USH2A: variants seen among roughly 807,000 people sequenced by gnomAD.
USH2A encodes Usher syndrome 2A (autosomal recessive, mild).
USH2A carries 443 observed loss-of-function variants against 538.9 expected under a neutral mutation model. That is an observed-to-expected ratio of 0.82 (90% confidence interval 0.76 to 0.89). USH2A has a LOEUF of 0.89. Ranked by LOEUF, USH2A falls within the 40% of genes least tolerant of loss-of-function variation. The pLI, the probability that USH2A is intolerant of heterozygous loss-of-function variation, is 0.00. For missense variants in USH2A, 6,633 were observed against 6,324.8 expected (o/e 1.05, Z -1.65); for synonymous variants, 2,413 against 2,273.5 (o/e 1.06, Z -1.75).
At position 216,200,111 on chromosome 1, in the gene USH2A, G is replaced by A. The variant is rs758705873; in HGVS notation, c.3327C>T (p.Tyr1109=). Residue 1109 remains tyrosine, a synonymous_variant, in exon 17 of 72, where the codon TAC becomes TAT. Transcript: ENST00000307340. ...ATGGTAACAGGTCTGTGTCTAAGAA[G>A]TATTGAATACCTGAAATGAAAAGAA... is the stretch of plus-strand genomic sequence containing the variant. ...TEDQYPYSIQ[Y]FLDTDLLPYT... 3.7e-6 allele frequency: 6 copies of A among 1,605,186 alleles called. No individual in the cohort carries two copies. In the East Asian group the frequency reaches 1.3e-4, roughly 36 times the overall value.
chr1:215,625,655 T>C lies in USH2A; in HGVS notation c.*126A>G. The stretch of plus-strand genomic sequence containing the variant: ...GGAACACTTTCAAAAACAGTCATCA[T>C]TTCTTTAAAGAATTATAGGATAATA... On this transcript the variant is annotated 3_prime_UTR_variant, in exon 72 of 72. Coordinates refer to ENST00000307340, the MANE Select transcript of USH2A (RefSeq NM_206933.4). The C allele has an allele frequency of 1.1e-6, 1 of 885,668 alleles. No homozygotes were observed. The highest frequency in any genetic ancestry group is 1.9e-6 in the Non-Finnish European group (1 of 538,416). The allele number at this position is 885,668 out of a possible 1,614,324, so 54.9% of individuals were successfully genotyped here. A position where few individuals can be genotyped will look rare whatever the true frequency, so the allele number is the denominator to read the frequency against.
intron 38 of USH2A, among the ~76,000 whole-genome samples, chr1:215,904,356 T>C (rs904907413): frequency 6.6e-6 from 1 of 152,094 alleles, no homozygotes; most frequent in Non-Finnish European, 1.5e-5. Context: ...CAAAACAATA[T>C]GCTCCACTAA....
intron 9 of USH2A, among the ~76,000 whole-genome samples, chr1:216,309,427 C>T (rs2037380278): frequency 6.6e-6 from 1 of 152,106 alleles, no homozygotes; most frequent in Non-Finnish European, 1.5e-5. Flanking sequence ...TTCAGCCAGA[C>T]AGTCTCATAA....
chr1:215,800,498 T>A (rs1050783144), intron 49 of USH2A, among the ~76,000 whole-genome samples: 1 of 152,198 alleles, frequency 6.6e-6, no homozygotes, highest in Non-Finnish European at 1.5e-5. Context: ...TCAAGCTTTC[T>A]TAAGAAATGG....
At position 215,639,214 on chromosome 1, in the gene USH2A, G is replaced by T. The variant is rs202171991; in HGVS notation, c.14993C>A (p.Thr4998Lys). ...DKTFFFQVIC[T>K]TDEGSVKTPL... is the part of the protein sequence containing the mutation. ...CGTCTTAACACTTCCTTCGTCAGTC[G>T]TGCAGATGACCTGGAAAAAGAAGGC... Residue 4998 changes from threonine to lysine, a missense_variant, in exon 69 of 72, where the codon ACG becomes AAG. Thr to Lys is a moderately conservative substitution (Grantham distance 78). Transcript: ENST00000307340. 6.2e-7 allele frequency: 1 copy of T among 1,614,110 alleles called. No individual in the cohort carries two copies. The highest frequency in any genetic ancestry group is 1.7e-5 in the Admixed American group (1 of 60,022).
chr1:215,709,903 G>C (rs953984464), intron 61 of USH2A, among the ~76,000 whole-genome samples: 2 of 152,178 alleles, frequency 1.3e-5, no homozygotes, highest in African/African-American at 4.8e-5. Context: ...AGGGTTGAAT[G>C]ATTTGATTTA....
At chr1:216,268,454 C>T (rs2036516082) in intron 11 of USH2A, among the ~76,000 whole-genome samples, 1 of 152,008 alleles carries the variant, frequency 6.6e-6, no homozygotes, top group Admixed American at 6.6e-5. Context: ...AGTAAGTGCT[C>T]GGTAAAGATG....
intron 61 of USH2A, among the ~76,000 whole-genome samples, chr1:215,696,496 CTT>C (rs1485868666): frequency 6.6e-6 from 1 of 152,174 alleles, no homozygotes; most frequent in Non-Finnish European, 1.5e-5. Context: ...TCTTAATTTT[CTT>C]TCTTTCCCTT....
At chr1:216,292,118 T>C in intron 10 of USH2A, 57 bp downstream of exon 10, 1 of 1,534,758 alleles carries the variant, frequency 6.5e-7, no homozygotes, top group Non-Finnish European at 9.0e-7. Flanking sequence ...ATAATATGCA[T>C]TGTAGATAGA....
intron 9 of USH2A, among the ~76,000 whole-genome samples, chr1:216,308,575 T>A (rs1281879717): frequency 6.6e-6 from 1 of 152,228 alleles, no homozygotes; most frequent in African/African-American, 2.4e-5. Context: ...CAGTTATATA[T>A]GTGTTGTCTT....
At chr1:215,787,130 G>A (rs959374992) in intron 51 of USH2A, among the ~76,000 whole-genome samples, 2 of 152,144 alleles carry the variant, frequency 1.3e-5, no homozygotes, top group African/African-American at 4.8e-5. Flanking sequence ...AGTCACTTAT[G>A]TTTTCAAAAC....
intron 13 of USH2A, among the ~76,000 whole-genome samples, chr1:216,238,331 T>A (rs1356388615): frequency 6.6e-6 from 1 of 152,128 alleles, no homozygotes; most frequent in Non-Finnish European, 1.5e-5. Flanking sequence ...TGGCTCGGGA[T>A]GCGTTGACAT....
intron 21 of USH2A, among the ~76,000 whole-genome samples, chr1:216,135,099 G>A (rs546817969): frequency 1.4e-5 from 2 of 142,066 alleles, no homozygotes; most frequent in South Asian, 2.4e-4. Flanking sequence ...TGCAACAAAG[G>A]CAGTCTACCA....
At chr1:216,344,643 G>T (rs1038445457) in intron 4 of USH2A, among the ~76,000 whole-genome samples, 3 of 151,840 alleles carry the variant, frequency 2.0e-5, no homozygotes, top group Non-Finnish European at 1.5e-5. Flanking sequence ...GCTGACTCTG[G>T]GTAAGTGGGG....
rs368997165 is a variant in USH2A, at chr1:215,968,984, G to A, written c.6957+1641C>T. Among the ~76,000 whole-genome samples, 15 of 152,258 alleles carry A rather than the reference G, an allele frequency of 9.9e-5. No homozygotes were observed. In the East Asian group the frequency reaches 1.5e-3, roughly 16 times the overall value. On this transcript the variant is annotated intron_variant, in intron 36 of 71. Transcript: ENST00000307340. ...TTAAAAGAATCATCAACAAAAAGAA[G>A]CTGAATCTGTAATATCCTTCATGAT...
intron 37 of USH2A, among the ~76,000 whole-genome samples, chr1:215,947,184 C>T (rs1308412123): frequency 6.6e-6 from 1 of 151,866 alleles, no homozygotes; most frequent in African/African-American, 2.4e-5. Flanking sequence ...TGAGAGACTA[C>T]AGGCATGCAC....
At position 216,046,931 on chromosome 1, in the gene USH2A, G is replaced by A. The variant is rs562702200; in HGVS notation, c.6164-339C>T. Among the ~76,000 whole-genome samples the A allele has an allele frequency of 2.0e-5, 3 of 152,280 alleles. No individual in the cohort carries two copies. In the East Asian group the frequency reaches 5.8e-4, roughly 29 times the overall value. ...AGATAGAGTCCCCTAGCCTCAAGGA[G>A]CTTGTGATCTGAGATGAGTAATGCT... On this transcript the variant is annotated intron_variant, in intron 31 of 71. Transcript: ENST00000307340.
chr1:215,845,946 T>C lies in USH2A; in HGVS notation c.8933A>G (p.Asp2978Gly), dbSNP rs1404832241. 1 of 1,613,920 alleles carries C rather than the reference T, an allele frequency of 6.2e-7. No homozygotes were observed. ...TSNDSLKILP[D>G]VNSHVIGHLK... ...GTGGCCAATGACATGAGAGTTTACATCTGGCAAGATTTTTAGAGAGTCGTT... is the reference window on the plus strand; with the variant it reads ...GTGGCCAATGACATGAGAGTTTACACCTGGCAAGATTTTTAGAGAGTCGTT... The change falls in exon 45 of 72, where the codon GAT becomes GGT. Residue 2978 changes from aspartate to glycine, a missense_variant. Coordinates refer to ENST00000307340, the MANE Select transcript of USH2A (RefSeq NM_206933.4).
chr1:216,330,371 T>C (rs1227148904), intron 4 of USH2A, among the ~76,000 whole-genome samples: 14 of 152,174 alleles, frequency 9.2e-5, no homozygotes. Context: ...AGAGCATGGC[T>C]AGATTTTAGT....
Sources: gnomAD v4.1 joint callset for allele counts (sites outside exome capture counted in the v4.1 genomes callset) on GRCh38, gnomAD v4.1.1 for gene constraint, MANE v1.5 for transcripts, NCBI Gene and HGNC (gene_info 2026-07-23, HGNC 2026-07-21) for gene names.